CDR2: variants seen among roughly 807,000 people sequenced by gnomAD.
The protein encoded by CDR2 is cerebellar degeneration related protein 2, also known as cerebellar degeneration-related protein 2.
Under a neutral mutation model 48.4 loss-of-function variants are expected in CDR2, and 34 were observed. The observed-to-expected ratio is 0.70, with a 90% confidence interval of 0.53 to 0.94. The LOEUF (loss-of-function observed/expected upper bound fraction) is 0.94. Ranked by LOEUF, CDR2 falls within the 40% of genes least tolerant of loss-of-function variation. CDR2 has a pLI of 0.00. For missense variants in CDR2, 498 were observed against 549.5 expected (o/e 0.91, Z 0.94); for synonymous variants, 240 against 219.7 (o/e 1.09, Z -0.82).
rs544679615 is a variant in CDR2 at position 22,358,427 on chromosome 16, G to A, written c.192+6475C>T. Among the ~76,000 whole-genome samples the A allele has an allele frequency of 9.9e-5, 15 of 152,216 alleles. No individual in the cohort carries two copies. In the South Asian group the frequency reaches 3.1e-3, roughly 32 times the overall value. On this transcript the variant is annotated intron_variant, in intron 2 of 4. Coordinates refer to ENST00000268383, the MANE Select transcript of CDR2 (RefSeq NM_001802.2). Reference sequence around the variant, plus strand: ...ACTGTCACCTCAACTATGAGTACAAGGTTCCAGTTATGCACAAAAGCTACA... The same window carrying A: ...ACTGTCACCTCAACTATGAGTACAAAGTTCCAGTTATGCACAAAAGCTACA...
At chr16:22,358,187 CTCTCA>C (rs1484336311) in intron 2 of CDR2, among the ~76,000 whole-genome samples, 1 of 151,968 alleles carries the variant, frequency 6.6e-6, no homozygotes, top group Non-Finnish European at 1.5e-5. Flanking sequence ...TATTTCCTAC[CTCTCA>C]TCTCAAGGTA....
At chr16:22,350,484 G>A (rs1439660985) in intron 2 of CDR2, among the ~76,000 whole-genome samples, 1 of 152,168 alleles carries the variant, frequency 6.6e-6, no homozygotes, top group African/African-American at 2.4e-5. Context: ...TAATCATGTG[G>A]TTGCCTTCTC....
In CDR2 at chr16:22,370,204, A is replaced by G. The variant is rs140987834; in HGVS notation, c.79+4027T>C. ...AGTAAGGCTGAAAGTTTTTCCTATT[A>G]CAAAGTCAAATGCGTCATTTAGTGA... On this transcript the variant is annotated intron_variant, in intron 1 of 4. Transcript: ENST00000268383. Among the ~76,000 whole-genome samples the G allele has an allele frequency of 2.6e-5, 4 of 152,364 alleles. No homozygotes were observed. The East Asian group carries it at 7.7e-4, about 29-fold the overall frequency.
At chr16:22,364,576 T>C (rs2141851672) in intron 2 of CDR2, among the ~76,000 whole-genome samples, 1 of 152,182 alleles carries the variant, frequency 6.6e-6, no homozygotes, top group Admixed American at 6.5e-5. Flanking sequence ...ATATTGCATG[T>C]TTTAGGCCGG....
At chr16:22,354,245 T>C (rs1477581803) in intron 2 of CDR2, among the ~76,000 whole-genome samples, 1 of 152,160 alleles carries the variant, frequency 6.6e-6, no homozygotes, top group African/African-American at 2.4e-5. Context: ...ATCTTGGACA[T>C]GGAAAATCCT....
chr16:22,352,806 A>G (rs184038614), intron 2 of CDR2, among the ~76,000 whole-genome samples: 109 of 152,344 alleles, frequency 7.2e-4, no homozygotes, highest in Non-Finnish European at 1.5e-3. Context: ...GGCACGGTCT[A>G]TAAAAGCCTG....
intron 1 of CDR2, among the ~76,000 whole-genome samples, chr16:22,368,206 T>C (rs1157911008): frequency 1.3e-5 from 2 of 151,586 alleles, no homozygotes; most frequent in Non-Finnish European, 3.0e-5. Flanking sequence ...TTTCTTGTCA[T>C]TATTTATTTA....
At chr16:22,365,342 A>G (rs2049038330) in intron 1 of CDR2, among the ~76,000 whole-genome samples, 1 of 152,232 alleles carries the variant, frequency 6.6e-6, no homozygotes, top group Non-Finnish European at 1.5e-5. Flanking sequence ...ATATCCTGAC[A>G]GTCTACTTTT....
intron 2 of CDR2, among the ~76,000 whole-genome samples, chr16:22,362,839 G>A (rs894904973): frequency 1.3e-5 from 2 of 152,064 alleles, no homozygotes; most frequent in African/African-American, 4.8e-5. Flanking sequence ...CTTCCACTTC[G>A]GCCTCCCAAA....
chr16:22,356,953 GAA>G (rs1162529433), intron 2 of CDR2, among the ~76,000 whole-genome samples: 6 of 87,568 alleles, frequency 6.9e-5, no homozygotes, highest in South Asian at 3.8e-4. Flanking sequence ...AAAAAAAAAA[GAA>G]AAAAAAAAAA....
At position 22,359,242 on chromosome 16, in the gene CDR2, T is replaced by C. The variant is rs929543683; in HGVS notation, c.192+5660A>G. On this transcript the variant is annotated intron_variant, in intron 2 of 4. Coordinates refer to ENST00000268383, the MANE Select transcript of CDR2 (RefSeq NM_001802.2). ...TCCCGGGTTCAAGCAATTCTCTGCC[T>C]CAGCCTCCTGAGTAGCTGGGATTAC... Among the ~76,000 whole-genome samples the C allele has an allele frequency of 7.9e-5, 12 of 152,236 alleles. No individual in the cohort carries two copies. In the East Asian group the frequency reaches 1.4e-3, roughly 17 times the overall value.
At chr16:22,353,147 A>G (rs1031659418) in intron 2 of CDR2, among the ~76,000 whole-genome samples, 2 of 152,248 alleles carry the variant, frequency 1.3e-5, no homozygotes, top group Non-Finnish European at 2.9e-5. Flanking sequence ...AGGCTAATGC[A>G]TAAGCCAGAC....
At chr16:22,369,287 GAA>G (rs71312635) in intron 1 of CDR2, among the ~76,000 whole-genome samples, 2 of 132,762 alleles carry the variant, frequency 1.5e-5, no homozygotes, top group African/African-American at 3.2e-5. Flanking sequence ...CTCTTAGCAG[GAA>G]AAAAAAAAAA....
At position 22,349,289 on chromosome 16, in the gene CDR2, C is replaced by G; in HGVS notation, c.496G>C (p.Asp166His). 1.2e-6 allele frequency: 2 copies of G among 1,614,180 alleles called. No homozygotes were observed. The highest frequency in any genetic ancestry group is 2.2e-5 in the South Asian group (2 of 91,078). Residue 166 changes from aspartate (D) to histidine (H), a missense_variant, in exon 4 of 5, where the codon GAC (aspartate) becomes CAC (histidine). Coordinates refer to ENST00000268383, the MANE Select transcript of CDR2 (RefSeq NM_001802.2). ...PSFACLKELYDLRQHFVYDHV... is the reference protein window; with the variant it reads ...PSFACLKELYHLRQHFVYDHV... ...AAGGCAGGCTCTTACTGGCGGAGGTCATACAGCTCCTTCAGACATGCAAAG... is the reference window on the plus strand; with the variant it reads ...AAGGCAGGCTCTTACTGGCGGAGGTGATACAGCTCCTTCAGACATGCAAAG...
chr16:22,359,199 C>T (rs1040391621), intron 2 of CDR2, among the ~76,000 whole-genome samples: 27 of 152,106 alleles, frequency 1.8e-4, no homozygotes, highest in African/African-American at 6.3e-4. Context: ...GCAATCTTGG[C>T]TCACTGCAAC....
At chr16:22,370,378 C>T (rs1374125397) in intron 1 of CDR2, among the ~76,000 whole-genome samples, 1 of 152,184 alleles carries the variant, frequency 6.6e-6, no homozygotes, top group Non-Finnish European at 1.5e-5. Context: ...AGGATGTACT[C>T]ATCCTGCAAT....
chr16:22,367,350 G>A (rs979050457), intron 1 of CDR2, among the ~76,000 whole-genome samples: 5 of 152,190 alleles, frequency 3.3e-5, no homozygotes, highest in African/African-American at 4.8e-5. Context: ...TAGAAAGGGA[G>A]GTCATAAGGA....
rs2141843520 is a variant in CDR2 at position 22,350,425 on chromosome 16, T to G, written c.193-576A>C. Among the ~76,000 whole-genome samples the G allele has an allele frequency of 1.3e-5, 2 of 152,274 alleles. 1 individual carries two copies. Among genetic ancestry groups the G allele is most frequent in the East Asian group, 3.9e-4 (2 of 5,178 alleles). On this transcript the variant is annotated intron_variant, in intron 2 of 4. Transcript: ENST00000268383. ...GGTGACTGAACTCAAGCTCCAACCCTTCCCTCTATCCAGAGGTTGTGGGGC... is the reference window on the plus strand; with the variant it reads ...GGTGACTGAACTCAAGCTCCAACCCGTCCCTCTATCCAGAGGTTGTGGGGC...
chr16:22,367,416 T>C (rs1179408414), intron 1 of CDR2, among the ~76,000 whole-genome samples: 1 of 152,176 alleles, frequency 6.6e-6, no homozygotes, highest in Non-Finnish European at 1.5e-5. Context: ...TGCCATGAAT[T>C]TGGCATATTC....
Sources: allele counts gnomAD v4.1 joint callset (sites outside exome capture counted in the v4.1 genomes callset), GRCh38; gene constraint gnomAD v4.1.1; transcripts MANE v1.5; gene names NCBI Gene and HGNC (gene_info 2026-07-23, HGNC 2026-07-21).